DUOX1: variants seen among roughly 807,000 people sequenced by gnomAD.
DUOX1 encodes dual oxidase 1, also known as NADPH thyroid oxidase 1.
A neutral mutation model predicts 181.8 loss-of-function variants in DUOX1; 134 were observed. That is an observed-to-expected ratio of 0.74 (90% CI 0.64 to 0.85). The LOEUF (loss-of-function observed/expected upper bound fraction) is 0.85. Among genes scored for constraint, DUOX1 ranks in the 40% least tolerant of loss-of-function variants. The probability of loss-of-function intolerance (pLI) is 0.00; values close to 1 mark genes in which losing one functional copy is unlikely to be tolerated. For missense variants in DUOX1, 1,814 were observed against 2,064.4 expected (o/e 0.88, Z 2.35); for synonymous variants, 798 against 832.5 (o/e 0.96, Z 0.71).
At chr15:45,152,951 C>T in intron 25 of DUOX1, 1 of 309,948 alleles carries the variant, frequency 3.2e-6, no homozygotes, top group East Asian at 8.3e-5. Flanking sequence ...GCCGGCGCGG[C>T]GGCTTATGCC....
Position 45,152,017 on chromosome 15 carries a change from C to G in DUOX1, c.3158C>G (p.Ala1053Gly), listed in dbSNP as rs779948351. ...RHIGCVAVFY[A>G]IAGGLFLERA... ...ATCGGCTGCGTGGCCGTGTTCTACG[C>G]CATCGCTGGGGGGCTTTTCCTGGAG... The change falls in exon 24 of 34, where the codon GCC becomes GGC. Residue 1053 changes from alanine (A) to glycine (G), a missense_variant. Ala to Gly is a moderately conservative substitution (Grantham distance 60). Transcript: ENST00000389037. 35 of 1,614,008 alleles carry G rather than the reference C, an allele frequency of 2.2e-5. No homozygotes were observed. Among genetic ancestry groups the G allele is most frequent in the Non-Finnish European group, 2.5e-5 (30 of 1,180,014 alleles).
rs961368636 is a variant in DUOX1 at position 45,152,461 on chromosome 15, C to G, written c.3369C>G (p.Phe1123Leu). 6.2e-7 allele frequency: 1 copy of G among 1,614,200 alleles called. No individual in the cohort carries two copies. Among genetic ancestry groups the G allele is most frequent in the Non-Finnish European group, 8.5e-7 (1 of 1,180,022 alleles). ...RETFLNRYVP[F>L]DAAVDFHRLI... Reference sequence around the variant, plus strand: ...CCTTCCTCAACCGCTACGTGCCCTTCGACGCCGCCGTGGACTTCCATCGCC... The same window carrying G: ...CCTTCCTCAACCGCTACGTGCCCTTGGACGCCGCCGTGGACTTCCATCGCC... The change falls in exon 25 of 34, where the codon TTC becomes TTG. Residue 1123 changes from phenylalanine (F) to leucine (L), a missense_variant. Around this residue, in one of 5 missense-constraint regions of DUOX1, gnomAD observed 1,064 missense variants for 1,152.9 expected, o/e 0.92. Transcript: ENST00000389037.
At chr15:45,161,285 G>A (rs1320335812) in intron 29 of DUOX1, among the ~76,000 whole-genome samples, 6 of 151,862 alleles carry the variant, frequency 4.0e-5, no homozygotes, top group South Asian at 2.1e-4. Flanking sequence ...TGGGTGTGGT[G>A]GCATGCACCT....
rs991955080 is a variant in DUOX1 at position 45,150,661 on chromosome 15, C to G, written c.2848C>G (p.Leu950Val). ...GVEVPEVIKD[L>V]CRRASYISQD... ...GGAGGTGCCTGAAGTCATCAAGGACCTCTGCCGGCGAGCCTCCTACATCAG... is the reference window on the plus strand; with the variant it reads ...GGAGGTGCCTGAAGTCATCAAGGACGTCTGCCGGCGAGCCTCCTACATCAG... The change falls in exon 22 of 34, where the codon CTC (leucine) becomes GTC (valine). Residue 950 changes from leucine to valine, a missense_variant. Around this residue, in one of 5 missense-constraint regions of DUOX1, gnomAD observed 1,064 missense variants for 1,152.9 expected, o/e 0.92. Transcript: ENST00000389037. 6 of 1,613,952 alleles carry G rather than the reference C, an allele frequency of 3.7e-6. No individual in the cohort carries two copies. In the African/African-American group the frequency reaches 6.7e-5, roughly 18 times the overall value.
At chr15:45,160,150 C>T (rs1233693350) in intron 28 of DUOX1, among the ~76,000 whole-genome samples, 2 of 151,880 alleles carry the variant, frequency 1.3e-5, no homozygotes, top group Non-Finnish European at 2.9e-5. Context: ...AGACTCTGTC[C>T]CCCCAACCCC....
chr15:45,163,990 C>G, intron 33 of DUOX1, 72 bp downstream of exon 33: 1 of 1,567,432 alleles, frequency 6.4e-7, no homozygotes, highest in Non-Finnish European at 8.7e-7. Flanking sequence ...CCAAACCTTC[C>G]CCATCGAGGA....
intron 30 of DUOX1, 62 bp from the exon 31 acceptor site, chr15:45,162,157 T>C: frequency 2.6e-6 from 4 of 1,563,620 alleles, no homozygotes; most frequent in East Asian, 4.5e-5. Flanking sequence ...TTTTCTCTCA[T>C]TTCTGGCTTC....
chr15:45,153,245 AG>A (rs1314746549), intron 25 of DUOX1, 134 bp from the exon 26 acceptor site: 65 of 455,980 alleles, frequency 1.4e-4, no homozygotes, highest in African/African-American at 6.5e-4. Context: ...AAAAAAAAAA[AG>A]AGGTCAGAAG....
intron 2 of DUOX1, among the ~76,000 whole-genome samples, chr15:45,133,094 C>A (rs1184012455): frequency 1.3e-5 from 2 of 152,176 alleles, no homozygotes; most frequent in African/African-American, 4.8e-5. Flanking sequence ...CAGAAAGATC[C>A]CTGCTCCATC....
At position 45,165,241 on chromosome 15, in the gene DUOX1, CTGTA is replaced by C. The variant is rs1897200427; in HGVS notation, c.*344_*347del. Reference sequence around the variant, plus strand: ...TGACAAGTACTATGTGTGTGCATGTCTGTATGTGTGTTGGGGCGGTGAGTGTAAG... The same window carrying C: ...TGACAAGTACTATGTGTGTGCATGTCTGTGTGTTGGGGCGGTGAGTGTAAG... On this transcript the variant is annotated 3_prime_UTR_variant, in exon 34 of 34. Coordinates refer to ENST00000389037, the MANE Select transcript of DUOX1 (RefSeq NM_175940.3). The C allele has an allele frequency of 3.2e-6, 1 of 317,116 alleles. No individual in the cohort carries two copies. The highest frequency in any genetic ancestry group is 2.1e-5 in the African/African-American group (1 of 47,010). 19.6% of individuals were successfully genotyped at this position (317,116 alleles called of 1,614,324 possible). A position where few individuals can be genotyped will look rare whatever the true frequency, so the allele number is the denominator to read the frequency against.
In DUOX1 at chr15:45,141,162, T is replaced by C. The variant is rs1896481243; in HGVS notation, c.1565+92T>C. On this transcript the variant is annotated intron_variant, in intron 13 of 33. Transcript: ENST00000389037. Reference sequence around the variant, plus strand: ...TTAGACAGCCCCCATGAGCCCTTGATTCCAAGCCAGCCCACCACCCACTTC... The same window carrying C: ...TTAGACAGCCCCCATGAGCCCTTGACTCCAAGCCAGCCCACCACCCACTTC... The C allele has an allele frequency of 1.1e-5, 18 of 1,578,310 alleles. 1 individual carries two copies. In the African/African-American group the frequency reaches 1.6e-4, roughly 14 times the overall value.
intron 9 of DUOX1, among the ~76,000 whole-genome samples, chr15:45,137,478 T>C (rs774698412): frequency 1.3e-5 from 2 of 151,864 alleles, no homozygotes; most frequent in Non-Finnish European, 2.9e-5. Context: ...TTTAAAACAA[T>C]TCATAGATTA....
In DUOX1 at chr15:45,139,128, C is replaced by G; in HGVS notation, c.1176C>G (p.Ile392Met). 6.2e-7 allele frequency: 1 copy of G among 1,614,174 alleles called. No homozygotes were observed. The highest frequency in any genetic ancestry group is 8.5e-7 in the Non-Finnish European group (1 of 1,180,026). ...DALLLGMASQIAEREDHVLVE... is the reference protein window; with the variant it reads ...DALLLGMASQMAEREDHVLVE... The stretch of plus-strand genomic sequence containing the variant: ...TGCTGCTGGGCATGGCCTCCCAGAT[C>G]GCAGAGCGAGAGGACCATGTGTTGG... Residue 392 changes from isoleucine (I) to methionine (M), a missense_variant, in exon 11 of 34, where the codon ATC (isoleucine) becomes ATG (methionine). By Grantham distance (10) the Ile-to-Met change is conservative. Coordinates refer to ENST00000389037, the MANE Select transcript of DUOX1 (RefSeq NM_175940.3).
At chr15:45,158,220 C>A (rs576132774) in intron 28 of DUOX1, among the ~76,000 whole-genome samples, 2 of 152,306 alleles carry the variant, frequency 1.3e-5, no homozygotes, top group East Asian at 3.9e-4. Context: ...TTGTACTCAG[C>A]CTGTTTGGAT....
In DUOX1 at chr15:45,134,159, C is replaced by T. The variant is rs778972358; in HGVS notation, c.157C>T (p.Arg53Cys). The change falls in exon 4 of 34, where the codon CGC becomes TGC. Residue 53 changes from arginine to cysteine, a missense_variant. This residue lies in a region of DUOX1 where 320 missense variants were observed against 313.1 expected (regional missense o/e 1.02). Transcript: ENST00000389037. ...TCCTACCCCAGGCTCCCGGCTGCAG[C>T]GCCTGGTCCCAGCCAGCTATGCAGA... ...RWGSKGSRLQ[R>C]LVPASYADGV... The T allele has an allele frequency of 1.4e-5, 22 of 1,554,438 alleles. No individual in the cohort carries two copies. Among genetic ancestry groups the T allele is most frequent in the Admixed American group, 1.3e-4 (6 of 47,446 alleles).
chr15:45,151,513 C>G (rs920972281), intron 23 of DUOX1, among the ~76,000 whole-genome samples: 1 of 152,136 alleles, frequency 6.6e-6, no homozygotes, highest in African/African-American at 2.4e-5. Flanking sequence ...GTCAGAGATG[C>G]CTTCATGGAA....
At chr15:45,142,599 C>G (rs1260728077) in intron 15 of DUOX1, among the ~76,000 whole-genome samples, 2 of 152,108 alleles carry the variant, frequency 1.3e-5, no homozygotes, top group Admixed American at 1.3e-4. Context: ...GTGGCGCATG[C>G]CTGTAATCCC....
At position 45,135,700 on chromosome 15, in the gene DUOX1, G is replaced by A. The variant is rs1241235297; in HGVS notation, c.697+25G>A. 8 of 1,446,436 alleles carry A rather than the reference G, an allele frequency of 5.5e-6. No individual in the cohort carries two copies. In the African/African-American group the frequency reaches 1.0e-4, roughly 18 times the overall value. The allele number at this position is 1,446,436 out of a possible 1,614,324, so 89.6% of individuals were successfully genotyped here. A position where few individuals can be genotyped will look rare whatever the true frequency, so the allele number is the denominator to read the frequency against. On this transcript the variant is annotated intron_variant, in intron 6 of 33. Coordinates refer to ENST00000389037, the MANE Select transcript of DUOX1 (RefSeq NM_175940.3). ...GGTGAGGCCACAGGGGCGGGACGGGGCCGGCTGGGGGTCTGCGAGTGTGGG... is the reference window on the plus strand; with the variant it reads ...GGTGAGGCCACAGGGGCGGGACGGGACCGGCTGGGGGTCTGCGAGTGTGGG...
chr15:45,163,525 T>G lies in DUOX1; in HGVS notation c.4249-7T>G. On this transcript the variant is annotated splice_region_variant and splice_polypyrimidine_tract_variant and intron_variant, in intron 31 of 33. Coordinates refer to ENST00000389037, the MANE Select transcript of DUOX1 (RefSeq NM_175940.3). ...ATGGGTCCTGAACTCCAGCCCTGTG[T>G]CCCCAGATCTACTTCATCTGGGTGA... 1 of 1,613,934 alleles carries G rather than the reference T, an allele frequency of 6.2e-7. No homozygotes were observed. Among genetic ancestry groups the G allele is most frequent in the Non-Finnish European group, 8.5e-7 (1 of 1,180,020 alleles).
Sources: gnomAD v4.1 joint callset for allele counts (sites outside exome capture counted in the v4.1 genomes callset) on GRCh38, gnomAD v4.1.1 for gene constraint, gnomAD v4.1.1 regional missense constraint, MANE v1.5 for transcripts, NCBI Gene and HGNC (gene_info 2026-07-23, HGNC 2026-07-21) for gene names.